CBFA2T3: variants seen among roughly 807,000 people sequenced by gnomAD.
CBFA2T3 encodes transcriptional corepressor CBFA2T3.
In CBFA2T3, 31 loss-of-function variants were observed where a neutral mutation model predicts 58.6. The ratio of observed to expected loss-of-function variants is 0.53; its 90% CI spans 0.40 to 0.71. The LOEUF is 0.71. CBFA2T3 is among the 30% of genes least tolerant of loss of function. The pLI, the probability that CBFA2T3 is intolerant of heterozygous loss-of-function variation, is 0.00. For missense variants in CBFA2T3, 1,076 were observed against 963.1 expected (o/e 1.12, Z -1.55); for synonymous variants, 531 against 421.9 (o/e 1.26, Z -3.17).
At chr16:88,938,308 G>A (rs972871229) in intron 1 of CBFA2T3, 6 of 152,660 alleles carry the variant, frequency 3.9e-5, no homozygotes, top group African/African-American at 1.4e-4. Flanking sequence ...GCTGGGGATG[G>A]GGACCGACAG....
Position 88,911,069 on chromosome 16 carries a change from G to C in CBFA2T3, c.152-9413C>G, listed in dbSNP as rs547546666. 6.6e-5 allele frequency among the ~76,000 whole-genome samples: 10 copies of C among 152,352 alleles called. No homozygotes were observed. In the East Asian group the frequency reaches 1.9e-3, roughly 29 times the overall value. The stretch of plus-strand genomic sequence containing the variant: ...AGTGCCTTCTCTGCCATCGGTCTAG[G>C]CAGACCCTCCCGCCCCCACAGGGAC... On this transcript the variant is annotated intron_variant, in intron 1 of 11. Coordinates refer to ENST00000268679, the MANE Select transcript of CBFA2T3 (RefSeq NM_005187.6).
intron 3 of CBFA2T3, 90 bp downstream of exon 3, chr16:88,897,988 G>A (rs555346255): frequency 4.4e-4 from 416 of 944,614 alleles, no homozygotes; most frequent in Non-Finnish European, 5.8e-4. Flanking sequence ...GAGGAGAGCT[G>A]AGCGCCCCCA....
At chr16:88,971,508 G>A (rs936470993) in intron 1 of CBFA2T3, among the ~76,000 whole-genome samples, 4 of 151,868 alleles carry the variant, frequency 2.6e-5, no homozygotes, top group African/African-American at 7.2e-5. Context: ...GAAGCCCCTC[G>A]GTGGGGTCCC....
chr16:88,933,850 C>T (rs899028371), intron 1 of CBFA2T3, among the ~76,000 whole-genome samples: 1 of 152,126 alleles, frequency 6.6e-6, no homozygotes, highest in Non-Finnish European at 1.5e-5. Flanking sequence ...CGTCCCTCTG[C>T]TCTGTGCAGT....
intron 7 of CBFA2T3, chr16:88,883,847 G>A (rs1427010914): frequency 1.3e-5 from 2 of 152,314 alleles, no homozygotes; most frequent in Non-Finnish European, 2.9e-5. Context: ...ACGACTTCTG[G>A]AGACATCAGA....
chr16:88,949,870 C>T (rs1597781155), intron 1 of CBFA2T3, among the ~76,000 whole-genome samples: 2 of 149,976 alleles, frequency 1.3e-5, no homozygotes, highest in African/African-American at 2.5e-5. Context: ...ATTAGCTGGG[C>T]GTGGTGGTGG....
chr16:88,948,141 T>C (rs551933113), intron 1 of CBFA2T3, among the ~76,000 whole-genome samples: 2 of 152,284 alleles, frequency 1.3e-5, no homozygotes, highest in South Asian at 4.1e-4. Flanking sequence ...GTCCTAACCA[T>C]CTCACTGTGA....
At chr16:88,925,260 G>A (rs560059482) in intron 1 of CBFA2T3, among the ~76,000 whole-genome samples, 35 of 152,274 alleles carry the variant, frequency 2.3e-4, no homozygotes, top group Admixed American at 5.2e-4. Context: ...GCTTGGGCAC[G>A]GTGCAGCCGC....
intron 1 of CBFA2T3, among the ~76,000 whole-genome samples, chr16:88,966,895 C>T (rs1365825884): frequency 1.3e-5 from 2 of 152,230 alleles, no homozygotes; most frequent in African/African-American, 4.8e-5. Flanking sequence ...GGCCCACACC[C>T]ACCCTGGACT....
At position 88,977,027 on chromosome 16, in the gene CBFA2T3, C is replaced by T. The variant is rs374040281; in HGVS notation, c.-220G>A. 2.3e-5 allele frequency: 11 copies of T among 479,644 alleles called. No individual in the cohort carries two copies. The highest frequency in any genetic ancestry group is 7.7e-5 in the African/African-American group (4 of 52,198). 29.7% of individuals were successfully genotyped at this position (479,644 alleles called of 1,614,324 possible). ...GGTGGGAGCCCTGGGGCTCATGTGACGCGGGGCGGGCCTGGGGCTGCAGGC... is the reference window on the plus strand; with the variant it reads ...GGTGGGAGCCCTGGGGCTCATGTGATGCGGGGCGGGCCTGGGGCTGCAGGC... On this transcript the variant is annotated 5_prime_UTR_variant, in exon 1 of 12. Coordinates refer to ENST00000268679, the MANE Select transcript of CBFA2T3 (RefSeq NM_005187.6).
chr16:88,896,064 C>G (rs549988017), intron 3 of CBFA2T3, among the ~76,000 whole-genome samples: 1 of 152,176 alleles, frequency 6.6e-6, no homozygotes, highest in Non-Finnish European at 1.5e-5. Context: ...AGTCAGCCCC[C>G]CAGGGTTGCT....
At chr16:88,956,436 C>T (rs998599105) in intron 1 of CBFA2T3, among the ~76,000 whole-genome samples, 1 of 152,254 alleles carries the variant, frequency 6.6e-6, no homozygotes, top group Non-Finnish European at 1.5e-5. Flanking sequence ...ACCCTGCTCC[C>T]CCAGGCTCAG....
chr16:88,893,070 TG>T (rs1271682280), intron 3 of CBFA2T3, among the ~76,000 whole-genome samples: 7 of 152,140 alleles, frequency 4.6e-5, no homozygotes, highest in Non-Finnish European at 8.8e-5. Flanking sequence ...ACAGGAGACT[TG>T]GAAAATGAGA....
At chr16:88,966,081 C>T (rs1972493838) in intron 1 of CBFA2T3, among the ~76,000 whole-genome samples, 1 of 152,232 alleles carries the variant, frequency 6.6e-6, no homozygotes. Flanking sequence ...GCAGACCTCG[C>T]CTCCTCTCGT....
chr16:88,909,665 G>A (rs1046125788), intron 1 of CBFA2T3, among the ~76,000 whole-genome samples: 1 of 152,066 alleles, frequency 6.6e-6, no homozygotes, highest in Non-Finnish European at 1.5e-5. Context: ...CTCTGGGAAA[G>A]GCACAGATGT....
chr16:88,902,822 G>C (rs569998061), intron 1 of CBFA2T3, among the ~76,000 whole-genome samples: 395 of 152,260 alleles, frequency 2.6e-3, no homozygotes, highest in African/African-American at 8.8e-3. Flanking sequence ...ATACCGGACT[G>C]CCCCGCACCC....
rs113406657 is a variant in CBFA2T3, at chr16:88,885,850, G to A, written c.893+111C>T. 4.2e-4 allele frequency: 409 copies of A among 969,048 alleles called. 1 individual carries two copies. The highest frequency in any genetic ancestry group is 2.6e-3 in the Middle Eastern group (8 of 3,076). 60.0% of individuals were successfully genotyped at this position (969,048 alleles called of 1,614,324 possible). On this transcript the variant is annotated intron_variant, in intron 6 of 11. Transcript: ENST00000268679. This position sits in a 1 kb window ranked among gnomAD's most constrained non-coding sequence, Gnocchi z 5.3. ...CACGCTCCCTCAGCCCGAGAGAGCC[G>A]GCCGGGCTGGCTGCAGCCCCAGAGG...
rs201566133 is a variant in CBFA2T3, at chr16:88,950,280, C to T, written c.151+26377G>A. ...AGGTCTGTTCACCCGTCCCCTGGAC[C>T]GGCACCGCCACAGAGGGTCAGAGTG... On this transcript the variant is annotated intron_variant, in intron 1 of 11. Coordinates refer to ENST00000268679, the MANE Select transcript of CBFA2T3 (RefSeq NM_005187.6). 5.1e-4 allele frequency: 219 copies of T among 428,070 alleles called. 6 individuals carry two copies. In the Middle Eastern group the frequency reaches 0.013, roughly 25 times the overall value. The allele number at this position is 428,070 out of a possible 1,614,324, so 26.5% of individuals were successfully genotyped here.
chr16:88,953,755 C>T lies in CBFA2T3; in HGVS notation c.151+22902G>A, dbSNP rs1972139332. On this transcript the variant is annotated intron_variant, in intron 1 of 11. Transcript: ENST00000268679. The surrounding 1 kb of genome is among the most constrained non-coding windows in gnomAD (Gnocchi z 4.9). ...CACAGTTTACTCCCGGGAAAATAAACATTTGGGTTTATTTCGCTGTGACTG... is the reference window on the plus strand; with the variant it reads ...CACAGTTTACTCCCGGGAAAATAAATATTTGGGTTTATTTCGCTGTGACTG... 6.6e-6 allele frequency among the ~76,000 whole-genome samples: 1 copy of T among 152,178 alleles called. No homozygotes were observed. The highest frequency in any genetic ancestry group is 2.1e-4 in the South Asian group (1 of 4,830).
Sources: allele counts gnomAD v4.1 joint callset (sites outside exome capture counted in the v4.1 genomes callset), GRCh38; gene constraint gnomAD v4.1.1; non-coding constraint Gnocchi (gnomAD v3.1); transcripts MANE v1.5; gene names NCBI Gene and HGNC (gene_info 2026-07-23, HGNC 2026-07-21).